Variants in TULP4 observed in about 807,000 individuals in gnomAD.
TULP4 encodes tubby-related protein 4.
A neutral mutation model predicts 129.0 loss-of-function variants in TULP4; 16 were observed. The observed-to-expected ratio is 0.12, with a 90% confidence interval of 0.08 to 0.19. The LOEUF (loss-of-function observed/expected upper bound fraction) is 0.19. Among genes scored for constraint, TULP4 ranks in the 10% least tolerant of loss-of-function variants. The pLI is 1.00. For missense variants in TULP4, 1,842 were observed against 2,059.1 expected (o/e 0.89, Z 2.04); for synonymous variants, 998 against 854.0 (o/e 1.17, Z -2.94).
rs145583228 is a variant in TULP4, at chr6:158,381,291, G to A, written c.253-31774G>A. Among the ~76,000 whole-genome samples the A allele has an allele frequency of 3.7e-3, 560 of 152,022 alleles. 6 individuals are homozygous for A. Among genetic ancestry groups the A allele is most frequent in the African/African-American group, 0.013 (535 of 41,440 alleles). ...CTGAGCGTCTGTTCTTGAATTCTCA[G>A]TATTTTGGATTTTAGAAGGTGTATG... On this transcript the variant is annotated intron_variant, in intron 1 of 13. Coordinates refer to ENST00000367097, the MANE Select transcript of TULP4 (RefSeq NM_020245.5).
chr6:158,339,073 C>G (rs1202141745), intron 1 of TULP4, among the ~76,000 whole-genome samples: 2 of 152,128 alleles, frequency 1.3e-5, no homozygotes, highest in Non-Finnish European at 1.5e-5. Context: ...GAACCTGCCC[C>G]CAGTAATTCA....
At chr6:158,437,762 A>G (rs1019722520) in intron 3 of TULP4, 9 of 152,016 alleles carry the variant, frequency 5.9e-5, no homozygotes, top group Admixed American at 5.9e-4. Flanking sequence ...GAGATTTCGT[A>G]ACTCCCCAGA....
chr6:158,502,179 G>T lies in TULP4; in HGVS notation c.2516G>T (p.Gly839Val). 1 of 1,545,332 alleles carries T rather than the reference G, an allele frequency of 6.5e-7. No individual in the cohort carries two copies. Among genetic ancestry groups the T allele is most frequent in the Non-Finnish European group, 8.7e-7 (1 of 1,145,124 alleles). ...TKINPPPPYP[G>V]TIPAAPTTAA... ...ATAAACCCTCCACCCCCGTACCCAG[G>T]AACCATCCCCGCTGCCCCCACCACA... Residue 839 changes from glycine to valine, a missense_variant, in exon 13 of 14, where the codon GGA becomes GTA. By Grantham distance (109) the Gly-to-Val change is moderately radical. Transcript: ENST00000367097.
rs1779398389 is a variant in TULP4 at position 158,313,009 on chromosome 6, A to G, written c.-1008A>G. 6.6e-6 allele frequency: 1 copy of G among 152,066 alleles called. No homozygotes were observed. The highest frequency in any genetic ancestry group is 2.4e-5 in the African/African-American group (1 of 41,400). The allele number at this position is 152,066 out of a possible 1,614,324, so 9.4% of individuals were successfully genotyped here. On this transcript the variant is annotated 5_prime_UTR_variant, in exon 1 of 14. Coordinates refer to ENST00000367097, the MANE Select transcript of TULP4 (RefSeq NM_020245.5). ...GATTAGCTTTTTTCATCAAGATGGA[A>G]AAAGATCTTTAGGAGCAGAAAAGGG...
At chr6:158,491,060 A>G (rs1780188060) in intron 9 of TULP4, among the ~76,000 whole-genome samples, 4 of 152,192 alleles carry the variant, frequency 2.6e-5, no homozygotes, top group Non-Finnish European at 5.9e-5. Context: ...TTGCATGGTC[A>G]TGGGTCAGAT....
At position 158,365,925 on chromosome 6, in the gene TULP4, T is replaced by C. The variant is rs1378502244; in HGVS notation, c.253-47140T>C. On this transcript the variant is annotated intron_variant, in intron 1 of 13. Coordinates refer to ENST00000367097, the MANE Select transcript of TULP4 (RefSeq NM_020245.5). ...TTTTTTTTTTTTTTTTTTTTTGAGATGGAGTCTCGCTCTGTCGCCCAGTCT... is the reference window on the plus strand; with the variant it reads ...TTTTTTTTTTTTTTTTTTTTTGAGACGGAGTCTCGCTCTGTCGCCCAGTCT... Among the ~76,000 whole-genome samples, 17 of 92,234 alleles carry C rather than the reference T, an allele frequency of 1.8e-4. No individual in the cohort carries two copies. The East Asian group carries it at 2.1e-3, about 11-fold the overall frequency. The allele number at this position is 92,234 out of a possible 152,430, so 60.5% of individuals were successfully genotyped here. A position where few individuals can be genotyped will look rare whatever the true frequency, so the allele number is the denominator to read the frequency against.
intron 1 of TULP4, among the ~76,000 whole-genome samples, chr6:158,348,431 G>A (rs907081362): frequency 1.3e-4 from 20 of 151,914 alleles, no homozygotes; most frequent in Admixed American, 5.9e-4. Flanking sequence ...ATCTTGCACC[G>A]CCCTTAATCC....
intron 1 of TULP4, among the ~76,000 whole-genome samples, chr6:158,339,271 G>A (rs191496389): frequency 3.1e-3 from 469 of 152,266 alleles, no homozygotes; most frequent in Admixed American, 5.0e-3. Flanking sequence ...AGGGTGTTAC[G>A]AATAGGGTGT....
intron 1 of TULP4, among the ~76,000 whole-genome samples, chr6:158,343,404 AC>A (rs1780230977): frequency 1.3e-5 from 2 of 152,324 alleles, no homozygotes; most frequent in East Asian, 3.9e-4. Flanking sequence ...GGTGAGTGTT[AC>A]GGGCTGAACA....
At chr6:158,318,912 T>G (rs2128485730) in intron 1 of TULP4, among the ~76,000 whole-genome samples, 1 of 150,446 alleles carries the variant, frequency 6.6e-6, no homozygotes, top group African/African-American at 2.4e-5. Flanking sequence ...TTTTTTTTTT[T>G]TTTTTTTTTT....
intron 1 of TULP4, among the ~76,000 whole-genome samples, chr6:158,368,857 A>C (rs1777003450): frequency 1.3e-5 from 2 of 152,210 alleles, no homozygotes; most frequent in African/African-American, 4.8e-5. Flanking sequence ...TAACATTTTT[A>C]ATCTTTGTAG....
intron 2 of TULP4, among the ~76,000 whole-genome samples, chr6:158,419,769 T>C (rs564195472): frequency 5.1e-4 from 78 of 152,346 alleles, no homozygotes; most frequent in African/African-American, 1.8e-3. Context: ...AGCTGTAGTT[T>C]ACCAAGAGCA....
intron 5 of TULP4, among the ~76,000 whole-genome samples, chr6:158,460,454 A>G (rs1040219212): frequency 1.7e-5 from 2 of 121,146 alleles, no homozygotes; most frequent in Non-Finnish European, 3.3e-5. Flanking sequence ...GTCTTGAAGG[A>G]GAAAAAAAAA....
At chr6:158,243,181 T>G (rs1334527784) in intron 1 of TULP4, among the ~76,000 whole-genome samples, 1 of 152,156 alleles carries the variant, frequency 6.6e-6, no homozygotes, top group Non-Finnish European at 1.5e-5. Context: ...ACGTTACCAG[T>G]TTTGTTTGAG....
Position 158,509,961 on chromosome 6 carries a change from T to C in TULP4, c.*3267T>C, listed in dbSNP as rs560792900. The C allele has an allele frequency of 1.3e-5, 2 of 152,402 alleles. No individual in the cohort carries two copies. Among genetic ancestry groups the C allele is most frequent in the East Asian group, 1.9e-4 (1 of 5,190 alleles). The allele number at this position is 152,402 out of a possible 1,614,324, so 9.4% of individuals were successfully genotyped here. On this transcript the variant is annotated 3_prime_UTR_variant, in exon 14 of 14. Transcript: ENST00000367097. Reference sequence around the variant, plus strand: ...AAAAATTTAATGTTTATTAATAGTTTATGAATATCAAGATACCTCATTGAA... The same window carrying C: ...AAAAATTTAATGTTTATTAATAGTTCATGAATATCAAGATACCTCATTGAA...
upstream of TULP4, among the ~76,000 whole-genome samples, chr6:158,281,161 G>A (rs1778743373): frequency 6.6e-6 from 1 of 150,864 alleles, no homozygotes; most frequent in African/African-American, 2.5e-5. Flanking sequence ...CATTTTACTG[G>A]TATCTCAGCG....
chr6:158,319,856 A>G (rs1441226791), intron 1 of TULP4, among the ~76,000 whole-genome samples: 3 of 152,342 alleles, frequency 2.0e-5, no homozygotes, highest in Non-Finnish European at 2.9e-5. Flanking sequence ...AGTTAAACAT[A>G]TAGTAGAGGA....
chr6:158,504,622 C>T (rs1780557240), intron 13 of TULP4, among the ~76,000 whole-genome samples: 1 of 151,048 alleles, frequency 6.6e-6, no homozygotes, highest in Non-Finnish European at 1.5e-5. Flanking sequence ...TCTCAAAGTG[C>T]AGGGATTACA....
chr6:158,377,144 G>T (rs1235190560), intron 1 of TULP4, among the ~76,000 whole-genome samples: 1 of 152,196 alleles, frequency 6.6e-6, no homozygotes, highest in Non-Finnish European at 1.5e-5. Flanking sequence ...AAGCCATTGA[G>T]ATTTCTGTAC....
Sources: allele counts gnomAD v4.1 joint callset (sites outside exome capture counted in the v4.1 genomes callset), GRCh38; gene constraint gnomAD v4.1.1; transcripts MANE v1.5; gene names NCBI Gene and HGNC (gene_info 2026-07-23, HGNC 2026-07-21).